Variants in PDSS1 observed in about 807,000 individuals in gnomAD.
PDSS1 encodes the protein decaprenyl diphosphate synthase subunit 1.
A neutral mutation model predicts 57.5 loss-of-function variants in PDSS1; 43 were observed. That is an observed-to-expected ratio of 0.75 (90% CI 0.59 to 0.96). The LOEUF (loss-of-function observed/expected upper bound fraction) is 0.96, where lower values mean the gene tolerates loss of function less well. PDSS1 is among the 50% of genes least tolerant of loss of function. The pLI, the probability that PDSS1 is intolerant of heterozygous loss-of-function variation, is 0.00. For synonymous variants in PDSS1, 175 were observed against 191.3 expected (o/e 0.91, Z 0.70); for missense variants, 438 against 527.8 (o/e 0.83, Z 1.67).
At chr10:26,709,542 C>T in intron 4 of PDSS1, 96 bp from the exon 5 acceptor site, 2 of 1,268,632 alleles carry the variant, frequency 1.6e-6, no homozygotes, top group Non-Finnish European at 2.3e-6. Context: ...GTCTGGGCAA[C>T]AAGAGCGAAA....
chr10:26,724,127 T>C lies in PDSS1; in HGVS notation c.831+4T>C, dbSNP rs1394227614. Reference sequence around the variant, plus strand: ...GATAGCCAACAGTTGTAAAGCAGTATGTACGTTCTGTCTTTCTTCAAGTTA... The same window carrying C: ...GATAGCCAACAGTTGTAAAGCAGTACGTACGTTCTGTCTTTCTTCAAGTTA... On this transcript the variant is annotated splice_donor_region_variant and intron_variant, in intron 8 of 11. Coordinates refer to ENST00000376215, the MANE Select transcript of PDSS1 (RefSeq NM_014317.5). 6.3e-7 allele frequency: 1 copy of C among 1,576,938 alleles called. No homozygotes were observed. Among genetic ancestry groups the C allele is most frequent in the Admixed American group, 1.7e-5 (1 of 59,984 alleles).
At chr10:26,701,145 A>G (rs1835040791) in intron 1 of PDSS1, among the ~76,000 whole-genome samples, 1 of 152,174 alleles carries the variant, frequency 6.6e-6, no homozygotes, top group African/African-American at 2.4e-5. Flanking sequence ...AGATCTGTGG[A>G]ACTTTGAGCC....
intron 8 of PDSS1, 93 bp from the exon 9 acceptor site, chr10:26,735,147 T>C: frequency 1.2e-6 from 1 of 851,786 alleles, no homozygotes; most frequent in South Asian, 1.3e-5. Flanking sequence ...CTAGCCCCGC[T>C]GCCTCCTATT....
In PDSS1 at chr10:26,704,690, A is replaced by G; in HGVS notation, c.176A>G (p.Asn59Ser). 1 of 1,402,826 alleles carries G rather than the reference A, an allele frequency of 7.1e-7. No individual in the cohort carries two copies. Among genetic ancestry groups the G allele is most frequent in the Non-Finnish European group, 1.0e-6 (1 of 987,992 alleles). The allele number at this position is 1,402,826 out of a possible 1,614,324, so 86.9% of individuals were successfully genotyped here. The change falls in exon 3 of 12, where the codon AAT (asparagine) becomes AGT (serine). Residue 59 changes from asparagine to serine, a missense_variant. Physicochemically the swap from Asn to Ser is conservative, Grantham distance 46. Around this residue, in one of 2 missense-constraint regions of PDSS1, gnomAD observed 154 missense variants for 137.0 expected, o/e 1.12. Transcript: ENST00000376215. Reference protein sequence around the residue: ...GLDLSQIPYINLVKHLTSACP... With the variant: ...GLDLSQIPYISLVKHLTSACP... ...TTTATTTTATAGATACCCTATATTA[A>G]TCTTGTGAAGCATTTAACATCTGCC...
intron 1 of PDSS1, among the ~76,000 whole-genome samples, chr10:26,701,703 T>C (rs1208325700): frequency 6.6e-6 from 1 of 152,174 alleles, no homozygotes; most frequent in Non-Finnish European, 1.5e-5. Context: ...GAACCTCTGT[T>C]AGGACAGTGC....
chr10:26,716,795 C>T (rs1476071119), intron 5 of PDSS1, among the ~76,000 whole-genome samples: 1 of 152,160 alleles, frequency 6.6e-6, no homozygotes, highest in Admixed American at 6.5e-5. Flanking sequence ...GTACAGAGGA[C>T]GTAGCCAACT....
chr10:26,724,809 C>A (rs1245802459), intron 8 of PDSS1, among the ~76,000 whole-genome samples: 1 of 152,174 alleles, frequency 6.6e-6, no homozygotes, highest in Non-Finnish European at 1.5e-5. Context: ...AACTCCTGCC[C>A]TCAAGTGATC....
intron 10 of PDSS1, among the ~76,000 whole-genome samples, chr10:26,738,316 GA>G (rs1250925408): frequency 1.3e-5 from 2 of 152,194 alleles, no homozygotes; most frequent in Non-Finnish European, 2.9e-5. Context: ...CTGCAAGTAA[GA>G]AACTGATGCC....
chr10:26,703,856 C>A (rs1305915819), intron 2 of PDSS1, among the ~76,000 whole-genome samples: 2 of 99,522 alleles, frequency 2.0e-5, no homozygotes, highest in Middle Eastern at 5.9e-3. Context: ...CCAAGGCGGG[C>A]GGATCATGAG....
intron 8 of PDSS1, among the ~76,000 whole-genome samples, chr10:26,733,908 A>G (rs192191537): frequency 9.9e-4 from 151 of 152,270 alleles, no homozygotes; most frequent in African/African-American, 3.5e-3. Flanking sequence ...CAGGAGTTCA[A>G]GGTTACAGTG....
intron 11 of PDSS1, among the ~76,000 whole-genome samples, chr10:26,743,973 T>C (rs1405127538): frequency 3.3e-5 from 5 of 152,238 alleles, no homozygotes; most frequent in African/African-American, 1.2e-4. Context: ...TACAGGATCA[T>C]ACTTTTTAAA....
At chr10:26,704,350 A>G (rs542204451) in intron 2 of PDSS1, among the ~76,000 whole-genome samples, 2 of 152,188 alleles carry the variant, frequency 1.3e-5, no homozygotes, top group Admixed American at 6.5e-5. Flanking sequence ...CCTCTGACCA[A>G]TCTTAGTTAA....
chr10:26,721,423 T>TACACACACACACACACACAC (rs1554795596), intron 6 of PDSS1, among the ~76,000 whole-genome samples: 8 of 149,368 alleles, frequency 5.4e-5, no homozygotes, highest in Admixed American at 1.3e-4. Context: ...GATATATGTA[T>TACACACACACACACACACAC]ACACACACAC....
chr10:26,738,828 T>C (rs1836488668), intron 10 of PDSS1, among the ~76,000 whole-genome samples: 1 of 152,130 alleles, frequency 6.6e-6, no homozygotes. Flanking sequence ...CTGATAACAG[T>C]TGGTTCAGAG....
chr10:26,746,255 C>CATT, intron 11 of PDSS1, 78 bp from the exon 12 acceptor site: 1 of 1,385,100 alleles, frequency 7.2e-7, no homozygotes, highest in Non-Finnish European at 1.0e-6. Context: ...ACTATGTGTT[C>CATT]ATTTATTATA....
chr10:26,716,163 G>A (rs888387387), intron 5 of PDSS1, among the ~76,000 whole-genome samples: 1 of 152,154 alleles, frequency 6.6e-6, no homozygotes. Flanking sequence ...CCTAGAAGTT[G>A]GAGCTCACAG....
chr10:26,719,467 GTTTAA>G (rs1835709615), intron 5 of PDSS1, among the ~76,000 whole-genome samples: 3 of 152,298 alleles, frequency 2.0e-5, no homozygotes, highest in East Asian at 1.9e-4. Flanking sequence ...CATACTAAAC[GTTTAA>G]TTTAAGACAT....
At chr10:26,740,171 G>C (rs951636260) in intron 10 of PDSS1, among the ~76,000 whole-genome samples, 7 of 149,830 alleles carry the variant, frequency 4.7e-5, no homozygotes, top group Non-Finnish European at 7.4e-5. Context: ...TAAAAAATTA[G>C]CCAGGTGCGT....
chr10:26,739,037 C>A (rs1014306132), intron 10 of PDSS1, among the ~76,000 whole-genome samples: 9 of 152,102 alleles, frequency 5.9e-5, no homozygotes, highest in South Asian at 2.1e-4. Context: ...TTTAAAAAAA[C>A]CAAATCTTTC....
Sources: allele counts gnomAD v4.1 joint callset (sites outside exome capture counted in the v4.1 genomes callset), GRCh38; gene constraint gnomAD v4.1.1; regional missense constraint gnomAD v4.1.1; transcripts MANE v1.5; gene names NCBI Gene and HGNC (gene_info 2026-07-23, HGNC 2026-07-21).